Variants in DENND4A observed in about 807,000 individuals in gnomAD.
The protein encoded by DENND4A is DENN domain containing 4A, also known as C-myc promoter-binding protein.
Under a neutral mutation model 199.3 loss-of-function variants are expected in DENND4A, and 70 were observed. The observed-to-expected ratio is 0.35, with a 90% CI of 0.29 to 0.43. The LOEUF is 0.43. Ranked by LOEUF, DENND4A falls within the 20% of genes least tolerant of loss-of-function variation. The pLI is 1.00. For missense variants in DENND4A, 1,723 were observed against 2,255.8 expected (o/e 0.76, Z 4.78); for synonymous variants, 686 against 766.9 (o/e 0.89, Z 1.74).
intron 1 of DENND4A, among the ~76,000 whole-genome samples, chr15:65,784,360 A>T (rs2077511116): frequency 6.6e-6 from 1 of 152,192 alleles, no homozygotes; most frequent in African/African-American, 2.4e-5. Context: ...AATGAATTTT[A>T]GTTAGTAGTA....
intron 1 of DENND4A, among the ~76,000 whole-genome samples, chr15:65,764,024 G>T (rs149496055): frequency 3.5e-4 from 54 of 152,238 alleles, no homozygotes; most frequent in African/African-American, 1.2e-3. Context: ...AGAAATACTT[G>T]TAAATTTTGA....
At chr15:65,738,090 T>A (rs2076162836) in intron 6 of DENND4A, 145 bp from the exon 7 acceptor site, 1 of 719,026 alleles carries the variant, frequency 1.4e-6, no homozygotes. Flanking sequence ...ACACCCCTCC[T>A]GCTTTCTTGA....
chr15:65,785,089 G>A (rs1328242493), intron 1 of DENND4A, among the ~76,000 whole-genome samples: 1 of 151,224 alleles, frequency 6.6e-6, no homozygotes, highest in Non-Finnish European at 1.5e-5. Flanking sequence ...AGCCACCACT[G>A]CACTCCAGCC....
At chr15:65,732,875 C>T in intron 7 of DENND4A, 57 bp from the exon 8 acceptor site, 2 of 1,032,078 alleles carry the variant, frequency 1.9e-6, no homozygotes, top group East Asian at 2.5e-5. Flanking sequence ...TGCTATAAAG[C>T]TCAACATGTC....
At chr15:65,785,859 T>G (rs964428718) in intron 1 of DENND4A, among the ~76,000 whole-genome samples, 2 of 152,140 alleles carry the variant, frequency 1.3e-5, no homozygotes, top group Non-Finnish European at 2.9e-5. Flanking sequence ...TCAAGAAATC[T>G]GGAAACTTCA....
rs537452234 is a variant in DENND4A, at chr15:65,671,691, A to C, written c.4464+101T>G. ...AGGCGTGAGCCACCGCGCCCAGCCT[A>C]TGTATTTAACTTCTATTACTCTACC... is the stretch of plus-strand genomic sequence containing the variant. On this transcript the variant is annotated intron_variant, in intron 25 of 32. Transcript: ENST00000443035. 46 of 855,018 alleles carry C rather than the reference A, an allele frequency of 5.4e-5. No individual in the cohort carries two copies. The African/African-American group carries it at 6.6e-4, about 12-fold the overall frequency. The allele number at this position is 855,018 out of a possible 1,614,324, so 53.0% of individuals were successfully genotyped here. A position where few individuals can be genotyped will look rare whatever the true frequency, so the allele number is the denominator to read the frequency against.
At chr15:65,725,719 A>G (rs2075787380) in intron 11 of DENND4A, among the ~76,000 whole-genome samples, 1 of 152,116 alleles carries the variant, frequency 6.6e-6, no homozygotes, top group African/African-American at 2.4e-5. Context: ...ACCACCTCAC[A>G]AAGTATGGAG....
intron 23 of DENND4A, among the ~76,000 whole-genome samples, chr15:65,685,843 A>C (rs1338992062): frequency 6.6e-6 from 1 of 152,248 alleles, no homozygotes; most frequent in Non-Finnish European, 1.5e-5. Context: ...AACCATAAAC[A>C]TAAGAGTTTA....
intron 1 of DENND4A, among the ~76,000 whole-genome samples, chr15:65,763,726 G>C (rs1386437845): frequency 6.6e-6 from 1 of 150,432 alleles, no homozygotes; most frequent in African/African-American, 2.4e-5. Context: ...TTGAAATAGA[G>C]GGTGAAAAGA....
intron 13 of DENND4A, among the ~76,000 whole-genome samples, chr15:65,715,986 T>C (rs1295806786): frequency 6.6e-6 from 1 of 152,008 alleles, no homozygotes; most frequent in Non-Finnish European, 1.5e-5. Context: ...TATATATAAA[T>C]GGCTTTCTCA....
At chr15:65,724,115 TGGCATGATCAC>T (rs2075730502) in intron 11 of DENND4A, among the ~76,000 whole-genome samples, 1 of 151,202 alleles carries the variant, frequency 6.6e-6, no homozygotes, top group Middle Eastern at 3.5e-3. Context: ...TGGAGTGCAG[TGGCATGATCAC>T]GGCTCACTGC....
At chr15:65,680,365 AT>A (rs1419512858) in intron 23 of DENND4A, among the ~76,000 whole-genome samples, 2 of 152,140 alleles carry the variant, frequency 1.3e-5, no homozygotes, top group Non-Finnish European at 2.9e-5. Context: ...GCTTTGATGG[AT>A]TTATTATATT....
At position 65,715,469 on chromosome 15, in the gene DENND4A, G is replaced by T; in HGVS notation, c.1953+9C>A. On this transcript the variant is annotated intron_variant, in intron 14 of 32. Transcript: ENST00000443035. ...TAAGTTAGGGCATTGTAGATGTACT[G>T]TTACTTACTTTATCTACACAATCAT... 1 of 1,605,090 alleles carries T rather than the reference G, an allele frequency of 6.2e-7. No homozygotes were observed.
chr15:65,789,758 G>C (rs1156505166), intron 1 of DENND4A, among the ~76,000 whole-genome samples: 1 of 152,176 alleles, frequency 6.6e-6, no homozygotes, highest in Non-Finnish European at 1.5e-5. Context: ...GCTTTAACTA[G>C]GTTTTTGTAG....
At chr15:65,704,121 C>T (rs1218788133) in intron 15 of DENND4A, among the ~76,000 whole-genome samples, 1 of 152,090 alleles carries the variant, frequency 6.6e-6, no homozygotes, top group Non-Finnish European at 1.5e-5. Context: ...AACCATGCCC[C>T]TTAAAAAATT....
chr15:65,700,399 T>C (rs2074823097), intron 20 of DENND4A, 145 bp downstream of exon 20: 2 of 335,188 alleles, frequency 6.0e-6, no homozygotes, highest in Non-Finnish European at 5.0e-6. Context: ...AGTTATTAAA[T>C]CTAATATCAA....
chr15:65,710,549 T>A lies in DENND4A; in HGVS notation c.1954-4325A>T, dbSNP rs115782723. 1.7e-3 allele frequency among the ~76,000 whole-genome samples: 262 copies of A among 152,266 alleles called. 1 individual carries two copies. The highest frequency in any genetic ancestry group is 5.9e-3 in the African/African-American group (245 of 41,564). On this transcript the variant is annotated intron_variant, in intron 14 of 32. Transcript: ENST00000443035. ...CACCTGTGAGAAAATCATTCAAAGTTGGTAATGCCAGACAGAAACATCATC... is the reference window on the plus strand; with the variant it reads ...CACCTGTGAGAAAATCATTCAAAGTAGGTAATGCCAGACAGAAACATCATC...
rs145828139 is a variant in DENND4A at position 65,690,016 on chromosome 15, G to T, written c.4179+399C>A. Among the ~76,000 whole-genome samples, 505 of 152,244 alleles carry T rather than the reference G, an allele frequency of 3.3e-3. 5 individuals are homozygous for T. The highest frequency in any genetic ancestry group is 0.011 in the African/African-American group (475 of 41,542). ...TCTAGCTTTTAGCTCTTAGGGGAAGGTATGTAAGTCTATCGTAAGTTACTC... is the reference window on the plus strand; with the variant it reads ...TCTAGCTTTTAGCTCTTAGGGGAAGTTATGTAAGTCTATCGTAAGTTACTC... On this transcript the variant is annotated intron_variant, in intron 23 of 32. Coordinates refer to ENST00000443035, the MANE Select transcript of DENND4A (RefSeq NM_001320835.1).
intron 14 of DENND4A, among the ~76,000 whole-genome samples, chr15:65,706,447 AACACACACACACACACACACACACACAC>A (rs77421887): frequency 3.8e-5 from 5 of 130,262 alleles, no homozygotes; most frequent in African/African-American, 1.2e-4. Context: ...AGGGGAAAAT[AACACACACACACACACACACACACACAC>A]ACACACACAC....
Sources: allele counts gnomAD v4.1 joint callset (sites outside exome capture counted in the v4.1 genomes callset), GRCh38; gene constraint gnomAD v4.1.1; transcripts MANE v1.5; gene names NCBI Gene and HGNC (gene_info 2026-07-23, HGNC 2026-07-21).